The following ATP9A variants were observed in gnomAD, a reference collection of about 807,000 sequenced individuals.
ATP9A encodes the protein ATPase phospholipid transporting 9A.
In ATP9A, 52 loss-of-function variants were observed where a neutral mutation model predicts 144.1. The ratio of observed to expected loss-of-function variants is 0.36; its 90% CI spans 0.29 to 0.45. The LOEUF is 0.45. ATP9A is among the 20% of genes least tolerant of loss of function. ATP9A has a pLI of 1.00. For synonymous variants in ATP9A, 582 were observed against 557.4 expected (o/e 1.04, Z -0.62); for missense variants, 947 against 1,392.7 (o/e 0.68, Z 5.09).
chr20:51,619,564 T>TA (rs1482758990), intron 19 of ATP9A, among the ~76,000 whole-genome samples: 6 of 42,276 alleles, frequency 1.4e-4, no homozygotes, highest in East Asian at 1.2e-3. Flanking sequence ...ACTCGTCTTT[T>TA]AAAAAAAAAA....
chr20:51,761,511 C>T (rs900680586), intron 1 of ATP9A, among the ~76,000 whole-genome samples: 1 of 152,120 alleles, frequency 6.6e-6, no homozygotes, highest in Admixed American at 6.6e-5. Context: ...GCTGTAATCC[C>T]AGCACTTTGG....
intron 25 of ATP9A, among the ~76,000 whole-genome samples, chr20:51,608,262 T>C (rs2077171475): frequency 6.6e-6 from 1 of 152,140 alleles, no homozygotes; most frequent in African/African-American, 2.4e-5. Context: ...AAGTCGTGAG[T>C]TGGCTTGTTT....
At chr20:51,673,894 A>G (rs991697006) in intron 11 of ATP9A, among the ~76,000 whole-genome samples, 5 of 152,078 alleles carry the variant, frequency 3.3e-5, no homozygotes, top group African/African-American at 9.7e-5. Context: ...TACTAAAAAT[A>G]CAAAAATTAG....
chr20:51,661,894 A>C (rs554514591), intron 13 of ATP9A, among the ~76,000 whole-genome samples: 1 of 152,188 alleles, frequency 6.6e-6, no homozygotes, highest in Non-Finnish European at 1.5e-5. Context: ...TCTGCAACAC[A>C]AAGTCAATAA....
chr20:51,643,078 A>G (rs6067862), intron 14 of ATP9A, among the ~76,000 whole-genome samples: 69,825 of 151,748 alleles, frequency 0.46, 17,551 homozygotes, highest in East Asian at 0.8. Context: ...TACTATGCTC[A>G]GATATCGAGT....
chr20:51,697,723 A>C (rs1330640753), intron 4 of ATP9A, among the ~76,000 whole-genome samples: 6 of 152,170 alleles, frequency 3.9e-5, no homozygotes, highest in Non-Finnish European at 8.8e-5. Context: ...TCAGCCCTTC[A>C]TGAAAGATCA....
At chr20:51,651,451 AAAAT>A (rs1462512829) in intron 14 of ATP9A, among the ~76,000 whole-genome samples, 1 of 147,528 alleles carries the variant, frequency 6.8e-6, no homozygotes, top group Non-Finnish European at 1.5e-5. Flanking sequence ...CACATAAAAT[AAAAT>A]AAATATATAT....
chr20:51,665,367 T>C (rs1279270040), intron 13 of ATP9A, among the ~76,000 whole-genome samples: 2 of 152,182 alleles, frequency 1.3e-5, no homozygotes, highest in Non-Finnish European at 2.9e-5. Context: ...TACAGAATCA[T>C]ATGCTTAAAA....
At chr20:51,759,379 ATG>A (rs1166984964) in intron 1 of ATP9A, among the ~76,000 whole-genome samples, 4 of 152,198 alleles carry the variant, frequency 2.6e-5, no homozygotes, top group African/African-American at 9.6e-5. Context: ...GGATGTTAAA[ATG>A]TACACACACG....
Position 51,670,000 on chromosome 20 carries a change from G to A in ATP9A, c.1290C>T (p.Thr430=). Residue 430 remains threonine, a synonymous_variant, in exon 13 of 28, where the codon ACC becomes ACT. Transcript: ENST00000338821. Reference sequence around the variant, plus strand: ...GTGTTGAAATGGAAGGCTTTACCTGGGTGTAAATGCTGAAAATGTGGCTTT... The same window carrying A: ...GTGTTGAAATGGAAGGCTTTACCTGAGTGTAAATGCTGAAAATGTGGCTTT... ...EVQSHIFSIY[T]QQSQDPPAQK... is the part of the protein sequence containing the mutation. The A allele has an allele frequency of 6.2e-7, 1 of 1,611,854 alleles. No homozygotes were observed. The highest frequency in any genetic ancestry group is 1.1e-5 in the South Asian group (1 of 91,014).
intron 1 of ATP9A, among the ~76,000 whole-genome samples, chr20:51,736,228 G>A (rs1307575030): frequency 6.6e-6 from 1 of 152,354 alleles, no homozygotes; most frequent in South Asian, 2.1e-4. Flanking sequence ...ACGGGGAGAA[G>A]ATAAAGGACA....
In ATP9A at chr20:51,743,944, T is replaced by C. The variant is rs572807942; in HGVS notation, c.69-13966A>G. 2.7e-5 allele frequency among the ~76,000 whole-genome samples: 4 copies of C among 150,472 alleles called. No individual in the cohort carries two copies. The South Asian group carries it at 8.6e-4, about 32-fold the overall frequency. On this transcript the variant is annotated intron_variant, in intron 1 of 27. Transcript: ENST00000338821. The stretch of plus-strand genomic sequence containing the variant: ...ATCGCTTGAACCCTGGAGGTGGAGG[T>C]TGCAGTAAGCCGAGATTCTGGCACT...
At position 51,689,124 on chromosome 20, in the gene ATP9A, G is replaced by C. The variant is rs778453172; in HGVS notation, c.739C>G (p.Pro247Ala). ...GTFTREDSDP[P>A]ISESLSIENT... ...TCTATGCTCAGGCTCTCGCTGATCG[G>C]GGGGTCGCTGTCTTCCTGGAAAAGA... Residue 247 changes from proline to alanine, a missense_variant, in exon 9 of 28, where the codon CCG becomes GCG. By Grantham distance (27) the Pro-to-Ala change is conservative (BLOSUM62 -1). This residue lies in a region of ATP9A where 770 missense variants were observed against 1,047.9 expected (regional missense o/e 0.73). Transcript: ENST00000338821. The C allele has an allele frequency of 6.2e-7, 1 of 1,613,968 alleles. No homozygotes were observed. The highest frequency in any genetic ancestry group is 1.1e-5 in the South Asian group (1 of 91,056).
intron 15 of ATP9A, among the ~76,000 whole-genome samples, chr20:51,632,990 G>A (rs1440886831): frequency 6.6e-6 from 1 of 152,100 alleles, no homozygotes; most frequent in Non-Finnish European, 1.5e-5. Flanking sequence ...CAGGCGTGGT[G>A]GCAGGTGCCT....
At chr20:51,735,689 T>C (rs2077760110) in intron 1 of ATP9A, among the ~76,000 whole-genome samples, 1 of 152,218 alleles carries the variant, frequency 6.6e-6, no homozygotes, top group African/African-American at 2.4e-5. Context: ...TTTAACCAAT[T>C]TGATTGTTAC....
Position 51,711,402 on chromosome 20 carries a change from T to C in ATP9A, c.436+1564A>G, listed in dbSNP as rs77418463. On this transcript the variant is annotated intron_variant, in intron 4 of 27. Transcript: ENST00000338821. The stretch of plus-strand genomic sequence containing the variant: ...CTGAAAACCCCGAAGGAACCATGGA[T>C]GGACTGCTTCCTTGGAAGCATAAAG... Among the ~76,000 whole-genome samples the C allele has an allele frequency of 3.9e-3, 598 of 152,262 alleles. 4 individuals are homozygous for C. The highest frequency in any genetic ancestry group is 0.014 in the African/African-American group (566 of 41,550).
intron 1 of ATP9A, among the ~76,000 whole-genome samples, chr20:51,757,973 A>G (rs1351451502): frequency 1.3e-5 from 2 of 152,146 alleles, no homozygotes; most frequent in Non-Finnish European, 2.9e-5. Context: ...TAGCAGTAAC[A>G]TTATGTGTTT....
At chr20:51,736,667 T>C (rs937550975) in intron 1 of ATP9A, among the ~76,000 whole-genome samples, 4 of 152,156 alleles carry the variant, frequency 2.6e-5, no homozygotes, top group Non-Finnish European at 5.9e-5. Context: ...CACATTGTAG[T>C]GATAGCTACA....
At chr20:51,618,545 G>T in intron 21 of ATP9A, 117 bp downstream of exon 21, 2 of 1,419,562 alleles carry the variant, frequency 1.4e-6, no homozygotes, top group Non-Finnish European at 1.9e-6. Flanking sequence ...ATCATGACCT[G>T]AACAAAGGGG....
Sources: gnomAD v4.1 joint callset for allele counts (sites outside exome capture counted in the v4.1 genomes callset) on GRCh38, gnomAD v4.1.1 for gene constraint, gnomAD v4.1.1 regional missense constraint, MANE v1.5 for transcripts, NCBI Gene and HGNC (gene_info 2026-07-23, HGNC 2026-07-21) for gene names.